Variants in ATP8A2 observed in about 807,000 individuals in gnomAD.
ATP8A2 encodes phospholipid-transporting ATPase IB.
ATP8A2 carries 100 observed loss-of-function variants against 165.6 expected under a neutral mutation model. That is an observed-to-expected ratio of 0.60 (90% CI 0.51 to 0.71). The LOEUF (loss-of-function observed/expected upper bound fraction) is 0.71. Among genes scored for constraint, ATP8A2 ranks in the 30% least tolerant of loss-of-function variants. The pLI, the probability that ATP8A2 is intolerant of heterozygous loss-of-function variation, is 0.00. For synonymous variants in ATP8A2, 543 were observed against 548.8 expected (o/e 0.99, Z 0.15); for missense variants, 1,227 against 1,479.5 (o/e 0.83, Z 2.80).
chr13:25,740,308 CAAAAAAAAA>C (rs1229327243), intron 25 of ATP8A2, among the ~76,000 whole-genome samples: 1 of 67,488 alleles, frequency 1.5e-5, no homozygotes, highest in Admixed American at 1.7e-4. Flanking sequence ...GGCTCTATCT[CAAAAAAAAA>C]AAAAAAAAAA....
chr13:25,551,202 A>G (rs534700920), intron 10 of ATP8A2, 136 bp from the exon 11 acceptor site: 4 of 751,496 alleles, frequency 5.3e-6, no homozygotes, highest in East Asian at 2.5e-5. Flanking sequence ...ACACTTTTGA[A>G]TTGCATTGAT....
intron 1 of ATP8A2, among the ~76,000 whole-genome samples, chr13:25,385,485 C>G (rs2033007934): frequency 6.6e-6 from 1 of 152,128 alleles, no homozygotes; most frequent in South Asian, 2.1e-4. Context: ...CTATCTGAAA[C>G]TTAATAAGTA....
At chr13:25,674,759 C>T (rs563809052) in intron 24 of ATP8A2, among the ~76,000 whole-genome samples, 110 of 152,122 alleles carry the variant, frequency 7.2e-4, no homozygotes, top group Non-Finnish European at 1.5e-3. Flanking sequence ...GAGTGCAAAA[C>T]CTGAATACTT....
intron 25 of ATP8A2, among the ~76,000 whole-genome samples, chr13:25,762,141 T>A (rs12859169): frequency 0.14 from 20,571 of 151,498 alleles, 1,619 homozygotes; most frequent in East Asian, 0.37. Context: ...TGGAGGTGCA[T>A]GCATGTAATC....
chr13:25,813,755 T>C (rs1420237775), intron 27 of ATP8A2, among the ~76,000 whole-genome samples: 2 of 152,112 alleles, frequency 1.3e-5, no homozygotes, highest in Non-Finnish European at 2.9e-5. Context: ...TCAACATTAT[T>C]CTGGGTGTTT....
intron 24 of ATP8A2, among the ~76,000 whole-genome samples, chr13:25,662,186 T>C (rs1157372567): frequency 2.6e-5 from 4 of 152,206 alleles, no homozygotes; most frequent in African/African-American, 9.6e-5. Context: ...TGCAGATTTC[T>C]AGAAGAGTAC....
At chr13:25,685,141 T>C (rs968690326) in intron 24 of ATP8A2, among the ~76,000 whole-genome samples, 1 of 152,134 alleles carries the variant, frequency 6.6e-6, no homozygotes, top group Admixed American at 6.5e-5. Context: ...TGATAAGCCA[T>C]AGTTGGATGT....
chr13:25,897,212 C>T (rs528663191), intron 33 of ATP8A2, among the ~76,000 whole-genome samples: 1 of 152,148 alleles, frequency 6.6e-6, no homozygotes, highest in Non-Finnish European at 1.5e-5. Flanking sequence ...TTCAGGAGCT[C>T]TTTTAGGGCA....
intron 27 of ATP8A2, among the ~76,000 whole-genome samples, chr13:25,781,641 A>G (rs1245212449): frequency 6.6e-6 from 1 of 152,012 alleles, no homozygotes; most frequent in Non-Finnish European, 1.5e-5. Flanking sequence ...GGAGTGCACC[A>G]CCACACTCAG....
At chr13:25,931,537 C>T (rs957381058) in intron 33 of ATP8A2, among the ~76,000 whole-genome samples, 18 of 152,128 alleles carry the variant, frequency 1.2e-4, no homozygotes, top group East Asian at 7.7e-4. Flanking sequence ...CCTCGACTGA[C>T]GAGTGCAGAA....
intron 24 of ATP8A2, among the ~76,000 whole-genome samples, chr13:25,692,125 CAG>C (rs1198646322): frequency 1.3e-5 from 2 of 152,106 alleles, no homozygotes; most frequent in Non-Finnish European, 2.9e-5. Context: ...TGATGGTCGA[CAG>C]GGGACAGGAG....
chr13:25,753,216 G>A (rs1482237860), intron 25 of ATP8A2, among the ~76,000 whole-genome samples: 1 of 152,194 alleles, frequency 6.6e-6, no homozygotes, highest in Non-Finnish European at 1.5e-5. Context: ...AAAGTGGCAG[G>A]GAAATCCGGG....
intron 33 of ATP8A2, among the ~76,000 whole-genome samples, chr13:25,888,381 C>G (rs369804791): frequency 6.6e-6 from 1 of 152,258 alleles, no homozygotes; most frequent in South Asian, 2.1e-4. Flanking sequence ...ATAAAACTTC[C>G]GGAATTGGCT....
chr13:25,651,244 A>C (rs2041804853), intron 24 of ATP8A2, among the ~76,000 whole-genome samples: 1 of 152,150 alleles, frequency 6.6e-6, no homozygotes, highest in Admixed American at 6.6e-5. Context: ...AGAGATCGAG[A>C]CCATCCTGGC....
chr13:26,005,564 ATTT>A, intron 35 of ATP8A2, among the ~76,000 whole-genome samples: 1 of 152,124 alleles, frequency 6.6e-6, no homozygotes, highest in Non-Finnish European at 1.5e-5. Flanking sequence ...TGATATAGAC[ATTT>A]ATTTCTATAA....
intron 33 of ATP8A2, among the ~76,000 whole-genome samples, chr13:25,886,338 T>C (rs1953153584): frequency 6.6e-6 from 1 of 152,204 alleles, no homozygotes; most frequent in Non-Finnish European, 1.5e-5. Flanking sequence ...ACTCTTGTTC[T>C]GAAAGAGTCT....
chr13:25,555,047 C>T lies in ATP8A2; in HGVS notation c.1242C>T (p.Asn414=). The part of the protein sequence containing the change: ...NDTPAMARTS[N]LNEELGQVKY... ...CTCCTGCCATGGCCAGGACATCAAA[C>T]CTTAATGAAGAGCTTGGGCAGGTGA... The change falls in exon 13 of 37, where the codon AAC becomes AAT. Residue 414 remains asparagine, a synonymous_variant. Coordinates refer to ENST00000381655, the MANE Select transcript of ATP8A2 (RefSeq NM_016529.6). The T allele has an allele frequency of 6.2e-7, 1 of 1,612,628 alleles. No individual in the cohort carries two copies. The highest frequency in any genetic ancestry group is 8.5e-7 in the Non-Finnish European group (1 of 1,178,880).
At position 25,971,143 on chromosome 13, in the gene ATP8A2, T is replaced by TG. The variant is rs1386505424; in HGVS notation, c.3377+2469dup. Among the ~76,000 whole-genome samples the TG allele has an allele frequency of 1.3e-4, 20 of 152,138 alleles. No individual in the cohort carries two copies. The East Asian group carries it at 2.3e-3, about 18-fold the overall frequency. ...TGGAATTCCTAGCCAGAACACAGTT[T>TG]GGGGGCTCTGCCGCTCATCCTCCTC... is the stretch of plus-strand genomic sequence containing the variant. On this transcript the variant is annotated intron_variant, in intron 35 of 36. Transcript: ENST00000381655.
intron 10 of ATP8A2, among the ~76,000 whole-genome samples, chr13:25,549,395 G>C (rs1208246104): frequency 6.6e-6 from 1 of 151,312 alleles, no homozygotes; most frequent in Non-Finnish European, 1.5e-5. Context: ...GGGAGGCAGA[G>C]GTTGCAGTGA....
Sources: gnomAD v4.1 joint callset for allele counts (sites outside exome capture counted in the v4.1 genomes callset) on GRCh38, gnomAD v4.1.1 for gene constraint, MANE v1.5 for transcripts, NCBI Gene and HGNC (gene_info 2026-07-23, HGNC 2026-07-21) for gene names.